The following SAA2 variants were observed in gnomAD, a reference collection of about 807,000 sequenced individuals.
SAA2 encodes serum amyloid A2, also known as serum amyloid A-2 protein.
A neutral mutation model predicts 9.1 loss-of-function variants in SAA2; 5 were observed. That is an observed-to-expected ratio of 0.55 (90% CI 0.29 to 1.16). The LOEUF (loss-of-function observed/expected upper bound fraction) is 1.16, where lower values mean the gene tolerates loss of function less well. SAA2 is among the 50% of genes most tolerant of loss of function. The pLI is 0.09. For missense variants in SAA2, 94 were observed against 153.8 expected (o/e 0.61, Z 2.06); for synonymous variants, 49 against 59.8 (o/e 0.82, Z 0.83).
Position 18,245,464 on chromosome 11 carries a change from C to T in SAA2, c.282G>A (p.Ser94=), listed in dbSNP as rs369541409. 5.3e-5 allele frequency: 85 copies of T among 1,614,048 alleles called. 1 individual carries two copies. Among genetic ancestry groups the T allele is most frequent in the East Asian group, 4.5e-4 (20 of 44,892 alleles). ...QRLTGRGAED[S]LADQAANKWG... is the part of the protein sequence containing the mutation. ...ATTTATTGGCAGCCTGATCGGCCAGCGAGTCCTCCGCACCACGGCCTGTGA... is the reference window on the plus strand; with the variant it reads ...ATTTATTGGCAGCCTGATCGGCCAGTGAGTCCTCCGCACCACGGCCTGTGA... Residue 94 remains serine, a synonymous_variant, in exon 4 of 4, where the codon TCG becomes TCA. Transcript: ENST00000256733.
chr11:18,247,954 T>G lies in SAA2; in HGVS notation c.58A>C (p.Ser20Arg). 27 of 1,613,790 alleles carry G rather than the reference T, an allele frequency of 1.7e-5. No homozygotes were observed. Among genetic ancestry groups the G allele is most frequent in the Non-Finnish European group, 2.3e-5 (27 of 1,179,852 alleles). ...GCCTCGCCAAGGAACGAAAAGAAGC[T>G]TCGGCTGCTGACACTCAGGACCAAG... is the stretch of plus-strand genomic sequence containing the variant. ...CSLVLSVSSR[S>R]FFSFLGEAFD... Residue 20 changes from serine to arginine, a missense_variant, in exon 2 of 4, where the codon AGC becomes CGC. Coordinates refer to ENST00000256733, the MANE Select transcript of SAA2 (RefSeq NM_030754.5).
intron 3 of SAA2, among the ~76,000 whole-genome samples, 153 bp from the exon 4 acceptor site, chr11:18,245,668 C>A (rs1047057547): frequency 3.3e-5 from 5 of 152,222 alleles, no homozygotes; most frequent in Non-Finnish European, 5.9e-5. Flanking sequence ...CTGGGCACTG[C>A]CCCATTCAGA....
chr11:18,242,781 A>G (rs1857385957), downstream of SAA2: 1 of 701,430 alleles, frequency 1.4e-6, no homozygotes, highest in Non-Finnish European at 2.6e-6. Flanking sequence ...CGGGAGGTCG[A>G]GGTTGCAGTG....
downstream of SAA2, among the ~76,000 whole-genome samples, chr11:18,244,388 T>C (rs1167672300): frequency 2.6e-5 from 4 of 152,204 alleles, no homozygotes; most frequent in African/African-American, 9.7e-5. Flanking sequence ...GGTAGCTTCC[T>C]GCCAAGTTTC....
chr11:18,244,917 C>G (rs549801923), downstream of SAA2, among the ~76,000 whole-genome samples: 1 of 152,090 alleles, frequency 6.6e-6, no homozygotes, highest in Non-Finnish European at 1.5e-5. Context: ...GTCTGTAGCC[C>G]CTGCCTCCAG....
intron 2 of SAA2, among the ~76,000 whole-genome samples, chr11:18,246,944 G>A (rs1857573502): frequency 6.6e-6 from 1 of 152,222 alleles, no homozygotes; most frequent in Middle Eastern, 3.4e-3. Flanking sequence ...TGATGCCAAG[G>A]TGTGTCTGAG....
At chr11:18,241,137 TCACAAATTTAAA>T (rs1377041797), downstream of SAA2, among the ~76,000 whole-genome samples, 1 of 151,896 alleles carries the variant, frequency 6.6e-6, no homozygotes, top group Non-Finnish European at 1.5e-5. Flanking sequence ...ATCATCAGAG[TCACAAATTTAAA>T]CACAAATTTA....
At chr11:18,239,078 A>C (rs1857271802), downstream of SAA2, 1 of 152,166 alleles carries the variant, frequency 6.6e-6, no homozygotes. Context: ...TTTGTTTATA[A>C]ATATTTAGCA....
chr11:18,239,876 CT>C, exon 4 of SAA2: 1 of 1,522,270 alleles, frequency 6.6e-7, no homozygotes, highest in East Asian at 2.5e-5. Context: ...GTTATTTACA[CT>C]GAATCTTCAT....
At chr11:18,240,484 A>G (rs555292496), downstream of SAA2, among the ~76,000 whole-genome samples, 2 of 152,318 alleles carry the variant, frequency 1.3e-5, no homozygotes, top group South Asian at 4.1e-4. Context: ...TTAGTCACAT[A>G]GCTACTTATT....
chr11:18,244,879 C>T (rs756504943), downstream of SAA2, among the ~76,000 whole-genome samples: 9 of 152,140 alleles, frequency 5.9e-5, no homozygotes, highest in African/African-American at 1.4e-4. Flanking sequence ...GGGTGGCAGT[C>T]GCTGAGGCAG....
At chr11:18,243,369 T>G (rs1037220654), downstream of SAA2, among the ~76,000 whole-genome samples, 1 of 152,210 alleles carries the variant, frequency 6.6e-6, no homozygotes, top group Admixed American at 6.5e-5. Flanking sequence ...CCCCAAAATC[T>G]ACAACTTCAG....
At chr11:18,239,853 C>CT (rs1857290978) in exon 4 of SAA2, 1 of 1,469,014 alleles carries the variant, frequency 6.8e-7, no homozygotes, top group East Asian at 2.5e-5. Context: ...AGGCCATGGT[C>CT]TTGTTAGTGG....
At chr11:18,242,796 A>G (rs1857386308), downstream of SAA2, 3 of 701,862 alleles carry the variant, frequency 4.3e-6, no homozygotes, top group Non-Finnish European at 7.8e-6. Flanking sequence ...GCAGTGAGCC[A>G]TGATCATGCC....
chr11:18,242,649 C>A, downstream of SAA2: 1 of 609,208 alleles, frequency 1.6e-6, no homozygotes, highest in Non-Finnish European at 3.0e-6. Flanking sequence ...AGTTCAAGAC[C>A]AGCCTGGGTG....
chr11:18,244,633 T>C (rs888866997), downstream of SAA2, among the ~76,000 whole-genome samples: 5 of 152,220 alleles, frequency 3.3e-5, no homozygotes, highest in Non-Finnish European at 5.9e-5. Flanking sequence ...GATAAAACAG[T>C]TCTTCTCTAT....
At position 18,247,860 on chromosome 11, in the gene SAA2, G is replaced by C. The variant is rs1001448013; in HGVS notation, c.91+61C>G. On this transcript the variant is annotated intron_variant, in intron 2 of 3. Transcript: ENST00000256733. Reference sequence around the variant, plus strand: ...CCTTCCGAAAGCATCATTTTCCCCAGTTTATCAGGTCCAGGGCGATGTTTC... The same window carrying C: ...CCTTCCGAAAGCATCATTTTCCCCACTTTATCAGGTCCAGGGCGATGTTTC... The C allele has an allele frequency of 1.6e-5, 25 of 1,611,876 alleles. 1 individual carries two copies. The highest frequency in any genetic ancestry group is 3.3e-4 in the Middle Eastern group (2 of 6,042).
chr11:18,245,144 C>T (rs1857463344), downstream of SAA2: 2 of 896,972 alleles, frequency 2.2e-6, no homozygotes, highest in African/African-American at 1.7e-5. Context: ...ACACATAGGC[C>T]TACCTAGGCT....
At chr11:18,242,746 T>C (rs1315556198), downstream of SAA2, 11 of 699,144 alleles carry the variant, frequency 1.6e-5, no homozygotes, top group Non-Finnish European at 2.9e-5. Flanking sequence ...TTCAAGAGGC[T>C]GAAGTGGGAG....
Sources: gnomAD v4.1 joint callset for allele counts (sites outside exome capture counted in the v4.1 genomes callset) on GRCh38, gnomAD v4.1.1 for gene constraint, MANE v1.5 for transcripts, NCBI Gene and HGNC (gene_info 2026-07-23, HGNC 2026-07-21) for gene names.